The following FBF1 variants were observed in gnomAD, a reference collection of about 807,000 sequenced individuals.
The protein encoded by FBF1 is Fas binding factor 1, also known as fas-binding factor 1.
FBF1 carries 119 observed loss-of-function variants against 147.2 expected under a neutral mutation model. That is an observed-to-expected ratio of 0.81 (90% confidence interval 0.70 to 0.94). The LOEUF (loss-of-function observed/expected upper bound fraction) is 0.94. FBF1 is among the 40% of genes least tolerant of loss of function. FBF1 has a pLI of 0.00. For missense variants in FBF1, 1,449 were observed against 1,500.8 expected (o/e 0.97, Z 0.57); for synonymous variants, 601 against 609.0 (o/e 0.99, Z 0.19).
chr17:75,920,549 G>A (rs2065519342), intron 17 of FBF1, 120 bp from the exon 18 acceptor site: 4 of 1,092,044 alleles, frequency 3.7e-6, no homozygotes, highest in Non-Finnish European at 5.2e-6. Context: ...GGCTGCAGAT[G>A]GGGCCAAGGC....
Position 75,927,528 on chromosome 17 carries a change from AC to A in FBF1, c.401del (p.Gly134ValfsTer31). On this transcript the variant is annotated frameshift_variant, in exon 9 of 30. Transcript: ENST00000636174. LOFTEE classifies it high-confidence loss of function. ...GAAGTGACTTCTTGGTGGGAATGGC[AC>A]CCCCTGCAGGAAGCAGAAGACAAGG... is the stretch of plus-strand genomic sequence containing the variant. ...ELPNHPKPAG[G>X]AIPTKKSLPS... The A allele has an allele frequency of 6.3e-7, 1 of 1,599,738 alleles. No individual in the cohort carries two copies. Among genetic ancestry groups the A allele is most frequent in the East Asian group, 2.3e-5 (1 of 44,258 alleles).
At chr17:75,935,303 T>C (rs2065617612) in intron 4 of FBF1, among the ~76,000 whole-genome samples, 1 of 151,982 alleles carries the variant, frequency 6.6e-6, no homozygotes, top group Non-Finnish European at 1.5e-5. Context: ...TAGGTGGGAT[T>C]ACAGGCGCCC....
chr17:75,928,092 G>T lies in FBF1; in HGVS notation c.381C>A (p.Asn127Lys). 6.2e-7 allele frequency: 1 copy of T among 1,613,502 alleles called. No homozygotes were observed. Among genetic ancestry groups the T allele is most frequent in the South Asian group, 1.1e-5 (1 of 91,058 alleles). Residue 127 changes from asparagine to lysine, a missense_variant, in exon 8 of 30, where the codon AAC (asparagine) becomes AAA (lysine). By Grantham distance (94) the Asn-to-Lys change is moderately conservative. Coordinates refer to ENST00000636174, the MANE Select transcript of FBF1 (RefSeq NM_001319193.2). This position sits in a 1 kb window ranked among gnomAD's most constrained non-coding sequence, Gnocchi z 4.2. ...AKDPGKGELPNHPKPAGGAIP... is the reference protein window; with the variant it reads ...AKDPGKGELPKHPKPAGGAIP... ...CTGACCCACCTGCAGGCTTGGGGTG[G>T]TTGGGCAGCTCTCCTTTCCCAGGGT...
At chr17:75,914,328 T>C (rs958711159) in intron 25 of FBF1, 30 bp from the exon 26 acceptor site, 10 of 1,571,168 alleles carry the variant, frequency 6.4e-6, no homozygotes, top group Non-Finnish European at 8.6e-6. Flanking sequence ...TGCTGCATTC[T>C]CCTCCCAGGA....
chr17:75,931,649 T>C (rs1034523418), intron 5 of FBF1, among the ~76,000 whole-genome samples: 1 of 151,930 alleles, frequency 6.6e-6, no homozygotes, highest in Non-Finnish European at 1.5e-5. Context: ...CCAGGCGTGG[T>C]GGCGGGCACC....
chr17:75,929,801 C>T (rs536359877), intron 7 of FBF1, among the ~76,000 whole-genome samples, 196 bp downstream of exon 7: 1 of 152,160 alleles, frequency 6.6e-6, no homozygotes, highest in Non-Finnish European at 1.5e-5. Context: ...CTCTATATAC[C>T]AGGAACACTG....
At position 75,932,995 on chromosome 17, in the gene FBF1, T is replaced by G. The variant is rs774790151; in HGVS notation, c.167A>C (p.Lys56Thr). 1.5e-5 allele frequency: 24 copies of G among 1,594,472 alleles called. No individual in the cohort carries two copies. The highest frequency in any genetic ancestry group is 2.1e-5 in the Non-Finnish European group (24 of 1,164,640). Residue 56 changes from lysine (K) to threonine (T), a missense_variant and splice_region_variant, in exon 5 of 30, where the codon AAG (lysine) becomes ACG (threonine). Transcript: ENST00000636174. ...QMFPSSKARTKSLLGDDVFST... is the reference protein window; with the variant it reads ...QMFPSSKARTTSLLGDDVFST... ...ATACCCAGTCGGACCCTGCCCTTAC[T>G]TTGTTCTCGCCTTTGAAGAAGGGAA... is the stretch of plus-strand genomic sequence containing the variant.
intron 23 of FBF1, among the ~76,000 whole-genome samples, chr17:75,916,192 G>A (rs1239461412): frequency 6.6e-6 from 1 of 151,532 alleles, no homozygotes; most frequent in Non-Finnish European, 1.5e-5. Flanking sequence ...ATAGTGGCAT[G>A]CACCTGTGAT....
chr17:75,920,249 C>A, intron 18 of FBF1, 25 bp downstream of exon 18: 1 of 1,602,180 alleles, frequency 6.2e-7, no homozygotes. Context: ...CTGCCACCAG[C>A]ACCAACGGCC....
At chr17:75,932,393 A>AAAAT (rs1451239092) in intron 5 of FBF1, among the ~76,000 whole-genome samples, 2 of 152,058 alleles carry the variant, frequency 1.3e-5, no homozygotes, top group African/African-American at 2.4e-5. Context: ...AGAGAAAATA[A>AAAAT]AAATAAATAA....
At chr17:75,939,528 T>A (rs759691888) in intron 1 of FBF1, among the ~76,000 whole-genome samples, 3 of 152,144 alleles carry the variant, frequency 2.0e-5, no homozygotes, top group Non-Finnish European at 2.9e-5. Flanking sequence ...AAAGCAGGTA[T>A]GAACTCTGGT....
Position 75,917,779 on chromosome 17 carries a change from C to T in FBF1, c.2458G>A (p.Gly820Arg), listed in dbSNP as rs748068057. The T allele has an allele frequency of 9.3e-6, 15 of 1,610,610 alleles. No homozygotes were observed. The highest frequency in any genetic ancestry group is 8.9e-5 in the East Asian group (4 of 44,822). The stretch of plus-strand genomic sequence containing the variant: ...TCATTCAGCCGTGCCTCCATCTTCC[C>T]GATGACCTCCTGTTGCCGGCTCCGC... The part of the protein sequence containing the change: ...EERSRQQEVI[G>R]KMEARLNEQS... The change falls in exon 23 of 30, where the codon GGG becomes AGG. Residue 820 changes from glycine (G) to arginine (R), a missense_variant. Transcript: ENST00000636174.
At chr17:75,917,650 G>T in intron 23 of FBF1, 82 bp downstream of exon 23, 1 of 1,276,572 alleles carries the variant, frequency 7.8e-7, no homozygotes, top group Non-Finnish European at 1.1e-6. Flanking sequence ...TGAGGTCACG[G>T]GAGTGCCGCT....
intron 25 of FBF1, 174 bp from the exon 26 acceptor site, chr17:75,914,472 C>T (rs1049911544): frequency 1.7e-4 from 175 of 1,038,818 alleles, no homozygotes; most frequent in Non-Finnish European, 2.2e-4. Flanking sequence ...CCCTCACAAG[C>T]CACGTGACTG....
chr17:75,915,149 C>T lies in FBF1; in HGVS notation c.2506-10G>A. ...TCACCCGCCAGCGTTCCTGTAGGGC[C>T]CAGGGCAGGACTGAGAGCGTGGTTC... On this transcript the variant is annotated splice_polypyrimidine_tract_variant and intron_variant, in intron 23 of 29. Transcript: ENST00000636174. 1 of 1,606,676 alleles carries T rather than the reference C, an allele frequency of 6.2e-7. No homozygotes were observed. Among genetic ancestry groups the T allele is most frequent in the Non-Finnish European group, 8.5e-7 (1 of 1,179,020 alleles).
chr17:75,940,048 C>T (rs557199469), intron 1 of FBF1, among the ~76,000 whole-genome samples: 1 of 151,032 alleles, frequency 6.6e-6, no homozygotes, highest in African/African-American at 2.4e-5. Flanking sequence ...CGGGTTCAAG[C>T]GAATCTCCTG....
intron 17 of FBF1, among the ~76,000 whole-genome samples, 155 bp from the exon 18 acceptor site, chr17:75,920,584 CT>C (rs1308118937): frequency 2.0e-5 from 3 of 152,212 alleles, no homozygotes; most frequent in African/African-American, 7.2e-5. Context: ...GTCACTGCGG[CT>C]AAGCAGTCCC....
chr17:75,914,631 T>C lies in FBF1; in HGVS notation c.2814+116A>G, dbSNP rs1403881759. 33 of 1,104,434 alleles carry C rather than the reference T, an allele frequency of 3.0e-5. 4 individuals carry two copies. In the South Asian group the frequency reaches 5.4e-4, roughly 18 times the overall value. The allele number at this position is 1,104,434 out of a possible 1,614,324, so 68.4% of individuals were successfully genotyped here. ...GATGCGATTACTGTTTTAATCCCTA[T>C]GCTCTTGTGACATTAGTGCTACACT... On this transcript the variant is annotated intron_variant, in intron 25 of 29. Coordinates refer to ENST00000636174, the MANE Select transcript of FBF1 (RefSeq NM_001319193.2).
In FBF1 at chr17:75,912,178, C is replaced by T. The variant is rs1361162923; in HGVS notation, c.3363+14G>A. The T allele has an allele frequency of 6.3e-7, 1 of 1,595,858 alleles. No individual in the cohort carries two copies. The highest frequency in any genetic ancestry group is 1.3e-5 in the African/African-American group (1 of 74,814). On this transcript the variant is annotated intron_variant, in intron 29 of 29. Coordinates refer to ENST00000636174, the MANE Select transcript of FBF1 (RefSeq NM_001319193.2). Reference sequence around the variant, plus strand: ...TCGTGAACACAAGGATCCCCAAGGCCAGGAGAGACTCACCTGCTCTGCCAT... The same window carrying T: ...TCGTGAACACAAGGATCCCCAAGGCTAGGAGAGACTCACCTGCTCTGCCAT...
Sources: allele counts gnomAD v4.1 joint callset (sites outside exome capture counted in the v4.1 genomes callset), GRCh38; gene constraint gnomAD v4.1.1; non-coding constraint Gnocchi (gnomAD v3.1); transcripts MANE v1.5; gene names NCBI Gene and HGNC (gene_info 2026-07-23, HGNC 2026-07-21).